Variants in ANKS4B observed in about 807,000 individuals in gnomAD.
The protein encoded by ANKS4B is ankyrin repeat and SAM domain-containing protein 4B.
A neutral mutation model predicts 20.2 loss-of-function variants in ANKS4B; 21 were observed. The ratio of observed to expected loss-of-function variants is 1.04; its 90% confidence interval spans 0.74 to 1.50. The LOEUF is 1.50. ANKS4B is among the 40% of genes most tolerant of loss of function. The probability of loss-of-function intolerance (pLI) is 0.00; values close to 1 mark genes in which losing one functional copy is unlikely to be tolerated. For synonymous variants in ANKS4B, 179 were observed against 194.5 expected, an observed-to-expected ratio of 0.92 and a Z score of 0.66; for missense variants, 473 against 494.6, an observed-to-expected ratio of 0.96 and a Z score of 0.41.
In ANKS4B at chr16:21,233,823, A is replaced by C; in HGVS notation, c.86A>C (p.Asp29Ala). ...EATKRDLNLSDEDGMTPTLLA... is the reference protein window; with the variant it reads ...EATKRDLNLSAEDGMTPTLLA... ...ACCAAGCGAGATCTAAATCTTTCGG[A>C]TGAAGACGGCATGACTCCTACTCTC... The change falls in exon 1 of 2, where the codon GAT (aspartate) becomes GCT (alanine). Residue 29 changes from aspartate (D) to alanine (A), a missense_variant. By Grantham distance (126) the Asp-to-Ala change is moderately radical (BLOSUM62 -2). Transcript: ENST00000311620. The C allele has an allele frequency of 1.2e-6, 2 of 1,614,022 alleles. No homozygotes were observed. Among genetic ancestry groups the C allele is most frequent in the Non-Finnish European group, 1.7e-6 (2 of 1,179,954 alleles).
rs979363557 is a variant in ANKS4B at position 21,247,665 on chromosome 16, C to T, written c.165-2066C>T. Among the ~76,000 whole-genome samples, 6 of 152,322 alleles carry T rather than the reference C, an allele frequency of 3.9e-5. No homozygotes were observed. The South Asian group carries it at 1.2e-3, about 32-fold the overall frequency. On this transcript the variant is annotated intron_variant, in intron 1 of 1. Transcript: ENST00000311620. ...CAGAGTTCTCAGCATTGGCGCATGG[C>T]TCTGGCCATCATTAAAAATAGTTAC...
At chr16:21,249,686 G>A (rs2093336317) in intron 1 of ANKS4B, 45 bp from the exon 2 acceptor site, 2 of 1,538,714 alleles carry the variant, frequency 1.3e-6, no homozygotes, top group Non-Finnish European at 1.7e-6. Flanking sequence ...TGCGTTCAGA[G>A]AAAAAAAGTC....
chr16:21,241,214 A>G (rs2093326157), intron 1 of ANKS4B, among the ~76,000 whole-genome samples: 1 of 152,148 alleles, frequency 6.6e-6, no homozygotes, highest in Admixed American at 6.5e-5. Flanking sequence ...GGTACCAAAT[A>G]GTTTTTCAAC....
intron 1 of ANKS4B, among the ~76,000 whole-genome samples, chr16:21,234,808 G>C (rs1197179758): frequency 1.3e-5 from 2 of 152,086 alleles, no homozygotes; most frequent in African/African-American, 4.8e-5. Flanking sequence ...GAGCAGATTT[G>C]AGAGGGGAAG....
At chr16:21,246,405 T>C (rs1010555844) in intron 1 of ANKS4B, among the ~76,000 whole-genome samples, 1 of 152,240 alleles carries the variant, frequency 6.6e-6, no homozygotes, top group African/African-American at 2.4e-5. Flanking sequence ...TATGTTAGGG[T>C]AAATATTTAA....
chr16:21,241,357 G>C (rs2093326313), intron 1 of ANKS4B, among the ~76,000 whole-genome samples: 1 of 152,114 alleles, frequency 6.6e-6, no homozygotes, highest in Non-Finnish European at 1.5e-5. Context: ...AATTTGCTAG[G>C]GATGGGATAA....
rs971922779 is a variant in ANKS4B at position 21,251,438 on chromosome 16, T to C, written c.*618T>C. On this transcript the variant is annotated 3_prime_UTR_variant, in exon 2 of 2. Coordinates refer to ENST00000311620, the MANE Select transcript of ANKS4B (RefSeq NM_145865.3). ...TTGATACTTTTGAATAAAGAAAGGG[T>C]CATATGCATGACAGGAAAATGAAAG... 1 of 152,136 alleles carries C rather than the reference T, an allele frequency of 6.6e-6. No homozygotes were observed. Among genetic ancestry groups the C allele is most frequent in the African/African-American group, 2.4e-5 (1 of 41,402 alleles). 9.4% of individuals were successfully genotyped at this position (152,136 alleles called of 1,614,324 possible). A position where few individuals can be genotyped will look rare whatever the true frequency, so the allele number is the denominator to read the frequency against.
At chr16:21,234,333 C>A (rs777222853) in intron 1 of ANKS4B, among the ~76,000 whole-genome samples, 2 of 151,960 alleles carry the variant, frequency 1.3e-5, no homozygotes, top group African/African-American at 4.8e-5. Flanking sequence ...ATCTCACAGT[C>A]TTTTATTAAC....
At chr16:21,237,622 G>GT (rs2093321818) in intron 1 of ANKS4B, among the ~76,000 whole-genome samples, 1 of 151,054 alleles carries the variant, frequency 6.6e-6, no homozygotes, top group Non-Finnish European at 1.5e-5. Context: ...AATTCCCTGT[G>GT]TCAAGTCCTT....
At chr16:21,246,230 A>G (rs1163818197) in intron 1 of ANKS4B, among the ~76,000 whole-genome samples, 1 of 152,148 alleles carries the variant, frequency 6.6e-6, no homozygotes, top group Non-Finnish European at 1.5e-5. Flanking sequence ...TACATTTTGT[A>G]TTTGTCTTGA....
Position 21,250,623 on chromosome 16 carries a change from C to T in ANKS4B, c.1057C>T (p.Leu353=), listed in dbSNP as rs1215616995. 6.2e-7 allele frequency: 1 copy of T among 1,613,990 alleles called. No homozygotes were observed. Among genetic ancestry groups the T allele is most frequent in the Non-Finnish European group, 8.5e-7 (1 of 1,179,976 alleles). The stretch of plus-strand genomic sequence containing the variant: ...TGCCACGCCCCTGGAAGTGTTCTTG[C>T]TGTCTCAGCACCTGGAAGAATTCCT... The part of the protein sequence containing the change: ...VDATPLEVFL[L]SQHLEEFLPI... The change falls in exon 2 of 2, where the codon CTG becomes TTG. Residue 353 remains leucine, a synonymous_variant. Transcript: ENST00000311620.
At position 21,242,477 on chromosome 16, in the gene ANKS4B, C is replaced by T. The variant is rs560031760; in HGVS notation, c.165-7254C>T. ...CTGGGATTACAGGCATGAGCCACTG[C>T]GCCCAGCCTCTAGGAGACTTTTTTA... On this transcript the variant is annotated intron_variant, in intron 1 of 1. Transcript: ENST00000311620. Among the ~76,000 whole-genome samples, 29 of 152,330 alleles carry T rather than the reference C, an allele frequency of 1.9e-4. No individual in the cohort carries two copies. In the South Asian group the frequency reaches 3.3e-3, roughly 17 times the overall value.
chr16:21,241,863 C>T (rs1438325028), intron 1 of ANKS4B, among the ~76,000 whole-genome samples: 2 of 152,014 alleles, frequency 1.3e-5, no homozygotes, highest in Non-Finnish European at 2.9e-5. Context: ...TTAAAATCTA[C>T]TTGGTAGGCA....
intron 1 of ANKS4B, among the ~76,000 whole-genome samples, chr16:21,244,301 A>G (rs2093329890): frequency 6.6e-6 from 1 of 152,106 alleles, no homozygotes; most frequent in Non-Finnish European, 1.5e-5. Flanking sequence ...ATTAGGACAA[A>G]TACCTACTGC....
chr16:21,237,134 C>T (rs2093321158), intron 1 of ANKS4B, among the ~76,000 whole-genome samples: 1 of 152,120 alleles, frequency 6.6e-6, no homozygotes, highest in African/African-American at 2.4e-5. Context: ...AATTTTCCTG[C>T]CTCAGCCTCC....
chr16:21,249,621 A>C (rs2093336231), intron 1 of ANKS4B, 110 bp from the exon 2 acceptor site: 1 of 1,222,068 alleles, frequency 8.2e-7, no homozygotes, highest in Non-Finnish European at 1.1e-6. Flanking sequence ...CAGGATGAAC[A>C]TGTTTGTATT....
chr16:21,237,177 C>T (rs1334542759), intron 1 of ANKS4B, among the ~76,000 whole-genome samples: 4 of 152,014 alleles, frequency 2.6e-5, no homozygotes, highest in African/African-American at 4.8e-5. Context: ...TGCACTACCA[C>T]GCCGGGCTAA....
rs375261621 is a variant in ANKS4B at position 21,250,367 on chromosome 16, T to C, written c.801T>C (p.Asn267=). The change falls in exon 2 of 2, where the codon AAT becomes AAC. Residue 267 remains asparagine (N), a synonymous_variant. Transcript: ENST00000311620. ...GTGTGCACCATGAATCCATTCTCAA[T>C]CGTCCAGGTCTAGGAAGTATTGTTT... ...DGSVHHESIL[N]RPGLGSIVFR... 8.1e-6 allele frequency: 13 copies of C among 1,614,046 alleles called. No individual in the cohort carries two copies. The African/African-American group carries it at 1.7e-4, about 22-fold the overall frequency.
rs1453470180 is a variant in ANKS4B, at chr16:21,251,611, G to A, written c.*791G>A. On this transcript the variant is annotated 3_prime_UTR_variant, in exon 2 of 2. Transcript: ENST00000311620. The stretch of plus-strand genomic sequence containing the variant: ...ACTTTGCCTAGTGGTAGAGACTAGA[G>A]TTCTTTCCTGGCCTGCGGCTTGATG... 6.6e-6 allele frequency: 1 copy of A among 152,220 alleles called. No individual in the cohort carries two copies. The highest frequency in any genetic ancestry group is 1.9e-4 in the East Asian group (1 of 5,202). 9.4% of individuals were successfully genotyped at this position (152,220 alleles called of 1,614,324 possible).
Sources: gnomAD v4.1 joint callset for allele counts (sites outside exome capture counted in the v4.1 genomes callset) on GRCh38, gnomAD v4.1.1 for gene constraint, MANE v1.5 for transcripts, NCBI Gene and HGNC (gene_info 2026-07-23, HGNC 2026-07-21) for gene names.